Variants in MARCHF1 observed in about 807,000 individuals in gnomAD.
The protein encoded by MARCHF1 is membrane associated ring-CH-type finger 1.
MARCHF1 carries 40 observed loss-of-function variants against 54.2 expected under a neutral mutation model. That is an observed-to-expected ratio of 0.74 (90% CI 0.57 to 0.96). The LOEUF is 0.96. Among genes scored for constraint, MARCHF1 ranks in the 40% least tolerant of loss-of-function variants. The pLI, the probability that MARCHF1 is intolerant of heterozygous loss-of-function variation, is 0.00. For synonymous variants in MARCHF1, 236 were observed against 236.3 expected (o/e 1.00, Z 0.01); for missense variants, 586 against 656.5 (o/e 0.89, Z 1.17).
At chr4:164,022,520 A>T (rs560351046) in intron 2 of MARCHF1, among the ~76,000 whole-genome samples, 174 of 152,216 alleles carry the variant, frequency 1.1e-3, no homozygotes, top group South Asian at 0.01. Flanking sequence ...TAAGGGAAGG[A>T]TGGACAGCCC....
At chr4:163,876,865 T>C (rs1296126845) in intron 3 of MARCHF1, among the ~76,000 whole-genome samples, 1 of 152,074 alleles carries the variant, frequency 6.6e-6, no homozygotes, top group Non-Finnish European at 1.5e-5. Flanking sequence ...ATTCTCCAAA[T>C]AACCATAAGA....
intron 3 of MARCHF1, among the ~76,000 whole-genome samples, chr4:163,986,498 C>T (rs1458186047): frequency 2.6e-5 from 4 of 151,774 alleles, no homozygotes; most frequent in Non-Finnish European, 5.9e-5. Context: ...ATCTCCTGAC[C>T]TTGTGATCCG....
intron 1 of MARCHF1, among the ~76,000 whole-genome samples, chr4:164,127,291 T>C (rs1170159280): frequency 6.6e-6 from 1 of 152,046 alleles, no homozygotes; most frequent in Non-Finnish European, 1.5e-5. Flanking sequence ...AAGCTTAAAG[T>C]AAAATGCAAG....
At chr4:163,620,602 CACACAGAGAGAGAGAG>C (rs375381001) in intron 5 of MARCHF1, among the ~76,000 whole-genome samples, 28,465 of 95,554 alleles carry the variant, frequency 0.3, 3,549 homozygotes, top group East Asian at 0.48. Flanking sequence ...CACACACACA[CACACAGAGAGAGAGAG>C]AGAGAGAGAG....
intron 1 of MARCHF1, among the ~76,000 whole-genome samples, chr4:164,137,642 A>G (rs1338928534): frequency 6.6e-6 from 1 of 152,184 alleles, no homozygotes; most frequent in African/African-American, 2.4e-5. Context: ...CTAATAAAAC[A>G]TGTCATATAT....
chr4:164,069,378 C>T (rs562001029), intron 2 of MARCHF1, among the ~76,000 whole-genome samples: 11 of 152,206 alleles, frequency 7.2e-5, no homozygotes, highest in Non-Finnish European at 1.5e-4. Context: ...AAGCTTTGTT[C>T]TTTCACTCTT....
At chr4:163,888,831 A>G (rs905648729) in intron 3 of MARCHF1, among the ~76,000 whole-genome samples, 13 of 152,070 alleles carry the variant, frequency 8.5e-5, no homozygotes, top group Non-Finnish European at 1.5e-4. Context: ...TTATGTCCCT[A>G]TCATCTTGTG....
chr4:164,276,934 C>CCATATATATATATATATATATA (rs1733898277), intron 1 of MARCHF1, among the ~76,000 whole-genome samples: 1 of 115,422 alleles, frequency 8.7e-6, no homozygotes, highest in African/African-American at 3.2e-5. Flanking sequence ...GTCTCATATT[C>CCATATATATATATATATATATA]TATATATATA....
chr4:164,007,664 G>C (rs1340136806), intron 2 of MARCHF1, among the ~76,000 whole-genome samples: 59 of 151,226 alleles, frequency 3.9e-4, no homozygotes, highest in Middle Eastern at 3.4e-3. Flanking sequence ...GTGTGTGTGT[G>C]TGTGTGTGTG....
At chr4:164,376,669 G>C (rs565672920) in intron 1 of MARCHF1, among the ~76,000 whole-genome samples, 38 of 152,272 alleles carry the variant, frequency 2.5e-4, no homozygotes, top group Non-Finnish European at 5.0e-4. Context: ...TGACTGCGAG[G>C]CTCCATGGTG....
intron 5 of MARCHF1, among the ~76,000 whole-genome samples, chr4:163,633,227 C>T (rs1001034028): frequency 1.2e-4 from 18 of 152,282 alleles, no homozygotes; most frequent in East Asian, 1.9e-4. Context: ...TCACCAGCAA[C>T]GGAACAAAGC....
intron 3 of MARCHF1, among the ~76,000 whole-genome samples, chr4:163,979,522 T>A (rs1752718975): frequency 6.7e-6 from 1 of 148,638 alleles, no homozygotes; most frequent in African/African-American, 2.5e-5. Context: ...TTTATAGTCA[T>A]TTGGGTATAT....
intron 4 of MARCHF1, among the ~76,000 whole-genome samples, chr4:163,743,743 C>A (rs1040541127): frequency 6.6e-6 from 1 of 152,014 alleles, no homozygotes; most frequent in Non-Finnish European, 1.5e-5. Flanking sequence ...CATGCCTGGC[C>A]AATTTTTTTG....
chr4:164,072,374 C>A (rs1318929725), intron 2 of MARCHF1, among the ~76,000 whole-genome samples: 1 of 152,000 alleles, frequency 6.6e-6, no homozygotes, highest in Non-Finnish European at 1.5e-5. Context: ...AGACCAGCTT[C>A]AGCAACATGG....
intron 5 of MARCHF1, among the ~76,000 whole-genome samples, chr4:163,662,064 A>T (rs1743362065): frequency 1.3e-5 from 2 of 152,014 alleles, no homozygotes; most frequent in Admixed American, 1.3e-4. Flanking sequence ...CTTGGAATAA[A>T]ATCTTTTTTT....
In MARCHF1 at chr4:163,854,061, A is replaced by G. The variant is rs1464560623; in HGVS notation, c.71T>C (p.Ile24Thr). ...RIPNNTRTPE[I>T]SGDLADASQT... ...TGAGGCGTCAGCCAAATCCCCTGAG[A>G]TCTCGGGTGTTCGCGTGTTGTTTGG... Residue 24 changes from isoleucine to threonine, a missense_variant, in exon 4 of 10, where the codon ATC becomes ACC. Transcript: ENST00000514618. The G allele has an allele frequency of 6.5e-7, 1 of 1,536,888 alleles. No homozygotes were observed. Among genetic ancestry groups the G allele is most frequent in the South Asian group, 1.2e-5 (1 of 84,050 alleles).
intron 9 of MARCHF1, among the ~76,000 whole-genome samples, chr4:163,529,416 A>G (rs889298931): frequency 1.6e-4 from 25 of 152,146 alleles, no homozygotes; most frequent in African/African-American, 6.0e-4. Context: ...ACATAATGGA[A>G]GAATCAGAGT....
chr4:164,363,929 T>G (rs1730800761), intron 1 of MARCHF1, among the ~76,000 whole-genome samples: 1 of 152,074 alleles, frequency 6.6e-6, no homozygotes. Flanking sequence ...AAAAGAATGC[T>G]TTCCTTTGTA....
At chr4:163,929,874 TGAAA>T (rs551868571) in intron 3 of MARCHF1, among the ~76,000 whole-genome samples, 131 of 143,602 alleles carry the variant, frequency 9.1e-4, no homozygotes, top group African/African-American at 2.9e-3. Flanking sequence ...GACACTTTTG[TGAAA>T]GAAAGAGGGC....
Sources: allele counts gnomAD v4.1 joint callset (sites outside exome capture counted in the v4.1 genomes callset), GRCh38; gene constraint gnomAD v4.1.1; transcripts MANE v1.5; gene names NCBI Gene and HGNC (gene_info 2026-07-23, HGNC 2026-07-21).